EFEMP1: variants seen among roughly 807,000 people sequenced by gnomAD.
EFEMP1 encodes the protein EGF-like fibulin extracellular matrix protein 1, also known as EGF-containing fibulin-like extracellular matrix protein 1.
EFEMP1 carries 18 observed loss-of-function variants against 65.7 expected under a neutral mutation model. The ratio of observed to expected loss-of-function variants is 0.27; its 90% CI spans 0.19 to 0.41. The LOEUF is 0.41. EFEMP1 is among the 10% of genes least tolerant of loss of function. EFEMP1 has a pLI of 1.00. For missense variants in EFEMP1, 469 were observed against 624.8 expected (o/e 0.75, Z 2.66); for synonymous variants, 237 against 219.7 (o/e 1.08, Z -0.70).
intron 5 of EFEMP1, among the ~76,000 whole-genome samples, chr2:55,888,894 G>A (rs185742226): frequency 6.6e-6 from 1 of 152,262 alleles, no homozygotes; most frequent in Non-Finnish European, 1.5e-5. Context: ...GGATGCCTCT[G>A]CACTGACATT....
chr2:55,882,177 T>C (rs1669266385), intron 5 of EFEMP1, among the ~76,000 whole-genome samples: 1 of 152,218 alleles, frequency 6.6e-6, no homozygotes, highest in South Asian at 2.1e-4. Flanking sequence ...GATACTTGCT[T>C]TTCCATCCAA....
intron 5 of EFEMP1, among the ~76,000 whole-genome samples, chr2:55,888,165 T>G (rs1329217114): frequency 1.3e-5 from 2 of 152,182 alleles, no homozygotes; most frequent in Admixed American, 1.3e-4. Flanking sequence ...AGGCTTTACT[T>G]CTCATTCTTC....
intron 5 of EFEMP1, among the ~76,000 whole-genome samples, chr2:55,904,503 A>ACTC (rs879552809): frequency 0.019 from 2,858 of 152,314 alleles, 30 homozygotes; most frequent in Middle Eastern, 0.041. Context: ...TGACTGAGTA[A>ACTC]AGCAGATGGC....
At position 55,921,461 on chromosome 2, in the gene EFEMP1, G is replaced by C. The variant is rs1269936240; in HGVS notation, c.81+899C>G. ...AAAATTTTTCACATTCTTTCGAGTA[G>C]GATTACTTAATTTTAAACTGGGAGC... is the stretch of plus-strand genomic sequence containing the variant. On this transcript the variant is annotated intron_variant, in intron 3 of 11. Transcript: ENST00000355426. This position sits in a 1 kb window ranked among gnomAD's most constrained non-coding sequence, Gnocchi z 4.1. 6.6e-6 allele frequency among the ~76,000 whole-genome samples: 1 copy of C among 152,098 alleles called. No individual in the cohort carries two copies. Among genetic ancestry groups the C allele is most frequent in the Non-Finnish European group, 1.5e-5 (1 of 68,000 alleles).
intron 7 of EFEMP1, among the ~76,000 whole-genome samples, 176 bp from the exon 8 acceptor site, chr2:55,876,918 G>T (rs1460584585): frequency 6.6e-6 from 1 of 151,922 alleles, no homozygotes; most frequent in Non-Finnish European, 1.5e-5. Context: ...ATCCATTTAG[G>T]TTTCATATTT....
chr2:55,905,750 G>C (rs1178541647), intron 5 of EFEMP1, among the ~76,000 whole-genome samples: 1 of 151,996 alleles, frequency 6.6e-6, no homozygotes, highest in Non-Finnish European at 1.5e-5. Context: ...CGCCCAGCCT[G>C]ATTTTCCAAT....
At chr2:55,888,009 G>A (rs1558469992) in intron 5 of EFEMP1, among the ~76,000 whole-genome samples, 1 of 152,178 alleles carries the variant, frequency 6.6e-6, no homozygotes, top group African/African-American at 2.4e-5. Flanking sequence ...CAGATGATTG[G>A]ATGAGGTTAG....
At chr2:55,895,653 T>C (rs973242372) in intron 5 of EFEMP1, among the ~76,000 whole-genome samples, 19 of 151,720 alleles carry the variant, frequency 1.3e-4, no homozygotes, top group African/African-American at 4.6e-4. Flanking sequence ...GCCATTCTCC[T>C]GCCTCAGCCT....
chr2:55,887,970 T>C (rs910481878), intron 5 of EFEMP1, among the ~76,000 whole-genome samples: 27 of 152,206 alleles, frequency 1.8e-4, no homozygotes, highest in African/African-American at 6.5e-4. Flanking sequence ...CTCACGTAGC[T>C]TCCTCTGTGG....
Position 55,921,104 on chromosome 2 carries a change from A to C in EFEMP1, c.81+1256T>G, listed in dbSNP as rs1046031260. Among the ~76,000 whole-genome samples the C allele has an allele frequency of 2.0e-5, 3 of 152,228 alleles. No homozygotes were observed. The highest frequency in any genetic ancestry group is 4.8e-5 in the African/African-American group (2 of 41,452). On this transcript the variant is annotated intron_variant, in intron 3 of 11. Coordinates refer to ENST00000355426, the MANE Select transcript of EFEMP1 (RefSeq NM_001039348.3). The surrounding 1 kb of genome is among the most constrained non-coding windows in gnomAD (Gnocchi z 4.1). ...GAAAAGAAGTAAAATCTTTTATGAG[A>C]TGATTATAAAAGTGGGTAGTGAATT...
chr2:55,875,866 G>T (rs1669013031), intron 8 of EFEMP1, among the ~76,000 whole-genome samples: 1 of 151,802 alleles, frequency 6.6e-6, no homozygotes, highest in Admixed American at 6.6e-5. Context: ...GGCAGAGGCA[G>T]CTGTCCTGAG....
chr2:55,872,231 C>T (rs1366824225), intron 9 of EFEMP1, among the ~76,000 whole-genome samples: 3 of 152,048 alleles, frequency 2.0e-5, no homozygotes, highest in Non-Finnish European at 4.4e-5. Flanking sequence ...TTACTCATTC[C>T]ATAAGTAATT....
chr2:55,884,833 G>C (rs1669367606), intron 5 of EFEMP1, among the ~76,000 whole-genome samples: 1 of 152,152 alleles, frequency 6.6e-6, no homozygotes. Context: ...AGCTCTTTGG[G>C]TGGGGATGGG....
intron 5 of EFEMP1, among the ~76,000 whole-genome samples, chr2:55,895,263 G>A (rs1037599618): frequency 6.6e-6 from 1 of 152,218 alleles, no homozygotes; most frequent in African/African-American, 2.4e-5. Context: ...TGATTGGTCT[G>A]AATCTTCACT....
At chr2:55,906,255 C>T (rs1187792264) in intron 5 of EFEMP1, among the ~76,000 whole-genome samples, 17 of 138,770 alleles carry the variant, frequency 1.2e-4, no homozygotes, top group South Asian at 6.7e-4. Flanking sequence ...GACGGAGTCT[C>T]GTTCTGTCAC....
chr2:55,887,421 GT>G lies in EFEMP1; in HGVS notation c.518-5688del, dbSNP rs375738055. On this transcript the variant is annotated intron_variant, in intron 5 of 11. Coordinates refer to ENST00000355426, the MANE Select transcript of EFEMP1 (RefSeq NM_001039348.3). Reference sequence around the variant, plus strand: ...TAGAATAACATTCATAGCTCTCCAAGTTTTCTGTTTCCCTCCCCAGTTTTTA... The same window carrying G: ...TAGAATAACATTCATAGCTCTCCAAGTTTCTGTTTCCCTCCCCAGTTTTTA... Among the ~76,000 whole-genome samples the G allele has an allele frequency of 2.6e-4, 39 of 152,146 alleles. 1 individual carries two copies. In the South Asian group the frequency reaches 7.9e-3, roughly 31 times the overall value.
rs1668823192 is a variant in EFEMP1 at position 55,871,836 on chromosome 2, A to G, written c.1001-713T>C. ...GAAACTATGAAGTGTTCCACCTCAT[A>G]GAGCATAGCAATTTTAGGACTGTAA... is the stretch of plus-strand genomic sequence containing the variant. On this transcript the variant is annotated intron_variant, in intron 9 of 11. Transcript: ENST00000355426. The surrounding 1 kb of genome is among the most constrained non-coding windows in gnomAD (Gnocchi z 4.2). Among the ~76,000 whole-genome samples, 1 of 152,110 alleles carries G rather than the reference A, an allele frequency of 6.6e-6. No individual in the cohort carries two copies. The highest frequency in any genetic ancestry group is 1.5e-5 in the Non-Finnish European group (1 of 68,002).
At position 55,888,220 on chromosome 2, in the gene EFEMP1, T is replaced by A. The variant is rs369994011; in HGVS notation, c.518-6486A>T. On this transcript the variant is annotated intron_variant, in intron 5 of 11. Coordinates refer to ENST00000355426, the MANE Select transcript of EFEMP1 (RefSeq NM_001039348.3). The stretch of plus-strand genomic sequence containing the variant: ...CAACATGAAGCTTATGCTTTCAGAA[T>A]CTCAAGGAAACAACATTGTCTACTG... Among the ~76,000 whole-genome samples the A allele has an allele frequency of 1.5e-4, 23 of 152,292 alleles. No homozygotes were observed. The East Asian group carries it at 4.2e-3, about 28-fold the overall frequency.
Position 55,922,301 on chromosome 2 carries a change from C to T in EFEMP1, c.81+59G>A. The T allele has an allele frequency of 6.5e-7, 1 of 1,544,468 alleles. No homozygotes were observed. The highest frequency in any genetic ancestry group is 8.9e-7 in the Non-Finnish European group (1 of 1,117,614). On this transcript the variant is annotated intron_variant, in intron 3 of 11. Coordinates refer to ENST00000355426, the MANE Select transcript of EFEMP1 (RefSeq NM_001039348.3). This position sits in a 1 kb window ranked among gnomAD's most constrained non-coding sequence, Gnocchi z 5.5. ...ATACACTGGCAGGGGTGTGTAAAGT[C>T]TTTTTTTGTCACAGAATCCCGCTGA...
Sources: allele counts gnomAD v4.1 joint callset (sites outside exome capture counted in the v4.1 genomes callset), GRCh38; gene constraint gnomAD v4.1.1; non-coding constraint Gnocchi (gnomAD v3.1); transcripts MANE v1.5; gene names NCBI Gene and HGNC (gene_info 2026-07-23, HGNC 2026-07-21).